The following ZNF600 variants were observed in gnomAD, a reference collection of about 807,000 sequenced individuals.
ZNF600 encodes zinc finger protein 600.
A neutral mutation model predicts 7.3 loss-of-function variants in ZNF600; 4 were observed. The ratio of observed to expected loss-of-function variants is 0.55; its 90% CI spans 0.27 to 1.25. The LOEUF is 1.25. Among genes scored for constraint, ZNF600 ranks in the 50% most tolerant of loss-of-function variants. The pLI is 0.12. For synonymous variants in ZNF600, 290 were observed against 308.9 expected (o/e 0.94, Z 0.64); for missense variants, 911 against 922.1 (o/e 0.99, Z 0.16).
the ZNF600 span, chr19:52,810,813 A>T: frequency 5.3e-5 from 19 of 360,804 alleles, 1 homozygote; most frequent in Admixed American, 4.2e-4. Context: ...GATGGAAAAA[A>T]ATATATATAT....
At chr19:52,771,108 C>T (rs1414033469) in intron 3 of ZNF600, among the ~76,000 whole-genome samples, 1 of 152,064 alleles carries the variant, frequency 6.6e-6, no homozygotes, top group Non-Finnish European at 1.5e-5. Flanking sequence ...GCTGGGATTA[C>T]AGGTGTAAGC....
rs543289394 is a variant in ZNF600 at position 52,785,437 on chromosome 19, C to T, written c.-20+1158G>A. On this transcript the variant is annotated intron_variant, in intron 1 of 3. Coordinates refer to ENST00000648973, the Ensembl canonical transcript of ZNF600. Reference sequence around the variant, plus strand: ...GCTAATTTTATATTTTTAATAGAGACGGGGTTTCTCCCTGTTGATCAGGCT... The same window carrying T: ...GCTAATTTTATATTTTTAATAGAGATGGGGTTTCTCCCTGTTGATCAGGCT... 1.6e-4 allele frequency among the ~76,000 whole-genome samples: 24 copies of T among 151,872 alleles called. No individual in the cohort carries two copies. In the South Asian group the frequency reaches 4.6e-3, roughly 29 times the overall value.
At chr19:52,776,553 A>G (rs527251245) in intron 2 of ZNF600, among the ~76,000 whole-genome samples, 13 of 152,186 alleles carry the variant, frequency 8.5e-5, no homozygotes, top group African/African-American at 2.6e-4. Context: ...CTGGGATTTG[A>G]GGCACCTGCC....
the ZNF600 span, chr19:52,805,666 A>ATAAATAAATAAC: frequency 3.4e-3 from 516 of 151,492 alleles, 3 homozygotes; most frequent in African/African-American, 0.012. Flanking sequence ...AAATAAATAA[A>ATAAATAAATAAC]TAAAGTTCTC....
the ZNF600 span, chr19:52,810,055 G>A: frequency 1.3e-6 from 1 of 741,514 alleles, no homozygotes; most frequent in Non-Finnish European, 2.4e-6. Flanking sequence ...CGCGCCCCAT[G>A]CCTGGGAGCT....
At chr19:52,824,201 T>C in the ZNF600 span, among the ~76,000 whole-genome samples, 4 of 151,822 alleles carry the variant, frequency 2.6e-5, no homozygotes, top group Admixed American at 1.3e-4. Flanking sequence ...ACATTACCAG[T>C]TCCACAGTAG....
chr19:52,770,283 T>A (rs2062620711), intron 3 of ZNF600, among the ~76,000 whole-genome samples: 1 of 151,812 alleles, frequency 6.6e-6, no homozygotes, highest in African/African-American at 2.4e-5. Flanking sequence ...CTACTAAGAA[T>A]ACAAAAAAAA....
intron 2 of ZNF600, among the ~76,000 whole-genome samples, chr19:52,775,638 T>G (rs2062668752): frequency 6.6e-6 from 1 of 152,298 alleles, no homozygotes; most frequent in South Asian, 2.1e-4. Context: ...ATTAAGTCTC[T>G]AGATGAGCTA....
chr19:52,830,947 T>C, the ZNF600 span, among the ~76,000 whole-genome samples: 9 of 142,360 alleles, frequency 6.3e-5, no homozygotes, highest in African/African-American at 5.5e-5. Context: ...TAGCAAATGG[T>C]AAAACATTGA....
At chr19:52,812,356 G>A in the ZNF600 span, among the ~76,000 whole-genome samples, 8 of 141,538 alleles carry the variant, frequency 5.7e-5, no homozygotes, top group East Asian at 7.9e-4. Flanking sequence ...TTGAGAAATC[G>A]GATGATTGCC....
At chr19:52,782,353 G>A (rs1484614003) in intron 1 of ZNF600, among the ~76,000 whole-genome samples, 46 of 151,484 alleles carry the variant, frequency 3.0e-4, no homozygotes, top group Middle Eastern at 6.8e-3. Flanking sequence ...GAGAAACCCC[G>A]TTTCTACTGA....
At chr19:52,774,852 A>AT (rs1600386278) in intron 2 of ZNF600, among the ~76,000 whole-genome samples, 151 bp from the exon 5 acceptor site, 2 of 152,316 alleles carry the variant, frequency 1.3e-5, no homozygotes, top group East Asian at 3.9e-4. Context: ...CTATAGTTGC[A>AT]TTTTATTGTA....
At chr19:52,797,141 A>G in the ZNF600 span, among the ~76,000 whole-genome samples, 6 of 152,254 alleles carry the variant, frequency 3.9e-5, no homozygotes, top group African/African-American at 1.2e-4. Context: ...AAACCACATC[A>G]TCTCAATACA....
At chr19:52,765,508 T>G (rs2062561566) in exon 4 of ZNF600, 1 of 1,603,510 alleles carries the variant, frequency 6.2e-7, no homozygotes, top group African/African-American at 1.3e-5. Flanking sequence ...TTACACTTGT[T>G]AGATCTTTAT....
the ZNF600 span, among the ~76,000 whole-genome samples, chr19:52,813,249 G>GAAAAAGAAAAAAAAAAA: frequency 1.6e-5 from 1 of 62,984 alleles, no homozygotes; most frequent in African/African-American, 6.1e-5. Context: ...CTTGAATGGT[G>GAAAAAGAAAAAAAAAAA]AAAAAAAAAA....
At chr19:52,828,348 G>A in the ZNF600 span, among the ~76,000 whole-genome samples, 4 of 152,014 alleles carry the variant, frequency 2.6e-5, no homozygotes, top group Admixed American at 1.3e-4. Flanking sequence ...CACTGCACCC[G>A]GTGGCACTTT....
At chr19:52,828,225 C>T in the ZNF600 span, among the ~76,000 whole-genome samples, 1 of 151,496 alleles carries the variant, frequency 6.6e-6, no homozygotes, top group Admixed American at 6.6e-5. Context: ...CTAATTGTTG[C>T]ATTTTTAGTA....
At chr19:52,774,354 G>A (rs1328174751) in intron 3 of ZNF600, among the ~76,000 whole-genome samples, 8 of 151,726 alleles carry the variant, frequency 5.3e-5, no homozygotes, top group African/African-American at 1.7e-4. Flanking sequence ...GCTTGAACCT[G>A]GGAGGCAGAG....
the ZNF600 span, among the ~76,000 whole-genome samples, chr19:52,818,735 T>G: frequency 3.6e-4 from 54 of 150,848 alleles, no homozygotes; most frequent in Non-Finnish European, 5.6e-4. Context: ...ATACAAAAAT[T>G]AGCAGGGTGT....
Sources: gnomAD v4.1 joint callset for allele counts (sites outside exome capture counted in the v4.1 genomes callset) on GRCh38, gnomAD v4.1.1 for gene constraint, MANE v1.5 for transcripts, NCBI Gene and HGNC (gene_info 2026-07-23, HGNC 2026-07-21) for gene names.